KCNT2: variants seen among roughly 807,000 people sequenced by gnomAD.
KCNT2 encodes potassium sodium-activated channel subfamily T member 2.
In KCNT2, 67 loss-of-function variants were observed where a neutral mutation model predicts 153.8. That is an observed-to-expected ratio of 0.44 (90% confidence interval 0.36 to 0.53). The LOEUF is 0.53. Ranked by LOEUF, KCNT2 falls within the 20% of genes least tolerant of loss-of-function variation. KCNT2 has a pLI of 0.00. For missense variants in KCNT2, 975 were observed against 1,354.8 expected (o/e 0.72, Z 4.40); for synonymous variants, 500 against 458.8 (o/e 1.09, Z -1.15).
chr1:196,342,424 A>ATATATATATATATATATG (rs1266091576), intron 14 of KCNT2, among the ~76,000 whole-genome samples, 196 bp from the exon 15 acceptor site: 1 of 27,728 alleles, frequency 3.6e-5, no homozygotes, highest in African/African-American at 8.4e-5. Flanking sequence ...TGAATACTAT[A>ATATATATATATATATATG]TATATATATA....
rs145425895 is a variant in KCNT2, at chr1:196,521,047, C to T, written c.96-28706G>A. 7.6e-3 allele frequency among the ~76,000 whole-genome samples: 1,152 copies of T among 152,182 alleles called. 18 individuals carry two copies. The highest frequency in any genetic ancestry group is 0.063 in the South Asian group (306 of 4,820). On this transcript the variant is annotated intron_variant, in intron 1 of 27. Transcript: ENST00000294725. Reference sequence around the variant, plus strand: ...TGGGAGAAAATATTTGCTAACTATACATCTGAAAAAGTCTAATATCTATAG... The same window carrying T: ...TGGGAGAAAATATTTGCTAACTATATATCTGAAAAAGTCTAATATCTATAG...
chr1:196,301,430 AT>A (rs1291125128), intron 22 of KCNT2, among the ~76,000 whole-genome samples: 1 of 152,106 alleles, frequency 6.6e-6, no homozygotes, highest in East Asian at 1.9e-4. Context: ...CAAAGGGAAA[AT>A]TTTATCCTTA....
Position 196,228,002 on chromosome 1 carries a change from C to A in KCNT2, c.*222G>T. 5.7e-6 allele frequency: 2 copies of A among 348,014 alleles called. No individual in the cohort carries two copies. Among genetic ancestry groups the A allele is most frequent in the South Asian group, 9.1e-5 (1 of 10,988 alleles). The allele number at this position is 348,014 out of a possible 1,614,324, so 21.6% of individuals were successfully genotyped here. On this transcript the variant is annotated 3_prime_UTR_variant, in exon 28 of 28. Transcript: ENST00000294725. The stretch of plus-strand genomic sequence containing the variant: ...TTTAAATTTTTGTATTTTAATTTAG[C>A]TTTTCAAATTTATTCCATTGAGGTC...
chr1:196,354,586 A>G (rs1429751567), intron 14 of KCNT2, among the ~76,000 whole-genome samples: 1 of 151,774 alleles, frequency 6.6e-6, no homozygotes, highest in Non-Finnish European at 1.5e-5. Flanking sequence ...CATTTTTGGG[A>G]AAGAATTTCA....
intron 14 of KCNT2, among the ~76,000 whole-genome samples, chr1:196,367,561 A>G (rs1668150758): frequency 1.3e-5 from 2 of 152,240 alleles, no homozygotes; most frequent in Admixed American, 6.5e-5. Context: ...ACTAACAGAT[A>G]CAACTAGAAT....
intron 1 of KCNT2, among the ~76,000 whole-genome samples, chr1:196,581,157 T>C (rs1572888976): frequency 6.6e-6 from 1 of 152,272 alleles, no homozygotes; most frequent in East Asian, 1.9e-4. Context: ...TTTACCTTTC[T>C]GTACCACATA....
intron 20 of KCNT2, among the ~76,000 whole-genome samples, chr1:196,317,834 T>C: frequency 6.6e-6 from 1 of 151,892 alleles, no homozygotes; most frequent in Non-Finnish European, 1.5e-5. Flanking sequence ...ATACTGGCTG[T>C]TATAGTTTAC....
At chr1:196,332,786 T>TA (rs1664588563) in intron 17 of KCNT2, among the ~76,000 whole-genome samples, 1 of 96,584 alleles carries the variant, frequency 1.0e-5, no homozygotes. Flanking sequence ...TATTGGCTAG[T>TA]TTTTTTTTTT....
intron 8 of KCNT2, among the ~76,000 whole-genome samples, chr1:196,456,973 G>C (rs1463953823): frequency 6.6e-6 from 1 of 151,824 alleles, no homozygotes; most frequent in African/African-American, 2.4e-5. Flanking sequence ...TTCCTGAGAG[G>C]AATTCTTTGT....
chr1:196,356,583 T>C (rs969479345), intron 14 of KCNT2, among the ~76,000 whole-genome samples: 1 of 151,836 alleles, frequency 6.6e-6, no homozygotes, highest in Non-Finnish European at 1.5e-5. Context: ...CTCTTAATAA[T>C]ATGTTACCAC....
At chr1:196,482,262 C>T in intron 4 of KCNT2, 69 bp downstream of exon 4, 1 of 968,242 alleles carries the variant, frequency 1.0e-6, no homozygotes, top group South Asian at 1.5e-5. Context: ...CAAAAGCTCT[C>T]CAATAGTACT....
At chr1:196,585,787 A>C (rs1016060459) in intron 1 of KCNT2, among the ~76,000 whole-genome samples, 1 of 152,192 alleles carries the variant, frequency 6.6e-6, no homozygotes, top group African/African-American at 2.4e-5. Context: ...TCATAGACTG[A>C]AAATGGAATA....
At chr1:196,476,577 G>C (rs1678549234) in intron 5 of KCNT2, among the ~76,000 whole-genome samples, 1 of 151,966 alleles carries the variant, frequency 6.6e-6, no homozygotes, top group African/African-American at 2.4e-5. Context: ...CCATGTGAAA[G>C]CTCTTTCATT....
intron 8 of KCNT2, among the ~76,000 whole-genome samples, chr1:196,463,447 T>G (rs1449930157): frequency 6.6e-6 from 1 of 151,780 alleles, no homozygotes; most frequent in African/African-American, 2.4e-5. Flanking sequence ...TTTAAGAATA[T>G]ATTATGATAC....
At chr1:196,345,996 A>T (rs1463734450) in intron 14 of KCNT2, among the ~76,000 whole-genome samples, 1 of 152,178 alleles carries the variant, frequency 6.6e-6, no homozygotes, top group African/African-American at 2.4e-5. Context: ...AAACAGACAT[A>T]GTGTATGTGA....
chr1:196,326,797 T>C lies in KCNT2; in HGVS notation c.2196A>G (p.Leu732=), dbSNP rs777953614. ...IVAAETAGNG[L]YNFIVPLRAY... The stretch of plus-strand genomic sequence containing the variant: ...CCCTGAGAGGAACAATAAAGTTATA[T>C]AATCCATTTCCAGCTGTTTCAGCTG... Residue 732 remains leucine (L), a synonymous_variant, in exon 19 of 28, where the codon TTA becomes TTG. Coordinates refer to ENST00000294725, the MANE Select transcript of KCNT2 (RefSeq NM_198503.5). The C allele has an allele frequency of 3.8e-6, 6 of 1,583,938 alleles. No homozygotes were observed. Among genetic ancestry groups the C allele is most frequent in the Non-Finnish European group, 5.1e-6 (6 of 1,166,730 alleles).
chr1:196,383,945 T>A (rs917541588), intron 13 of KCNT2, among the ~76,000 whole-genome samples: 2 of 152,220 alleles, frequency 1.3e-5, no homozygotes, highest in Admixed American at 1.3e-4. Flanking sequence ...TAGTTATTTT[T>A]ATAAATCACA....
chr1:196,357,748 G>A (rs1667289782), intron 14 of KCNT2, among the ~76,000 whole-genome samples: 1 of 151,844 alleles, frequency 6.6e-6, no homozygotes, highest in Non-Finnish European at 1.5e-5. Context: ...TAGTTGCTTG[G>A]TGTGGTAGTG....
chr1:196,491,893 A>G (rs1202268617), intron 2 of KCNT2, among the ~76,000 whole-genome samples: 1 of 152,024 alleles, frequency 6.6e-6, no homozygotes, highest in Non-Finnish European at 1.5e-5. Context: ...ATTGTTTCCC[A>G]TTGTGGTCTG....
Sources: allele counts gnomAD v4.1 joint callset (sites outside exome capture counted in the v4.1 genomes callset), GRCh38; gene constraint gnomAD v4.1.1; transcripts MANE v1.5; gene names NCBI Gene and HGNC (gene_info 2026-07-23, HGNC 2026-07-21).